The following NMNAT3 variants were observed in gnomAD, a reference collection of about 807,000 sequenced individuals.
NMNAT3 encodes nicotinamide nucleotide adenylyltransferase 3, also known as nicotinamide/nicotinic acid mononucleotide adenylyltransferase 3.
Under a neutral mutation model 24.8 loss-of-function variants are expected in NMNAT3, and 21 were observed. That is an observed-to-expected ratio of 0.85 (90% CI 0.60 to 1.22). NMNAT3 has a LOEUF of 1.22. Among genes scored for constraint, NMNAT3 ranks in the 50% most tolerant of loss-of-function variants. NMNAT3 has a pLI of 0.00. For synonymous variants in NMNAT3, 136 were observed against 155.2 expected, an observed-to-expected ratio of 0.88 and a Z score of 0.92; for missense variants, 387 against 436.6, an observed-to-expected ratio of 0.89 and a Z score of 1.01.
At chr3:139,606,612 T>A (rs1392397482) in intron 3 of NMNAT3, among the ~76,000 whole-genome samples, 2 of 152,244 alleles carry the variant, frequency 1.3e-5, no homozygotes, top group African/African-American at 4.8e-5. Flanking sequence ...CACCTACTAA[T>A]TTTAGCATCA....
intron 1 of NMNAT3, among the ~76,000 whole-genome samples, chr3:139,656,918 AAAAGTT>A (rs2057264329): frequency 6.6e-6 from 1 of 152,196 alleles, no homozygotes; most frequent in African/African-American, 2.4e-5. Context: ...ACTAGTAACT[AAAAGTT>A]AATATACTAT....
At chr3:139,660,971 A>C (rs2057395759) in intron 1 of NMNAT3, among the ~76,000 whole-genome samples, 1 of 152,264 alleles carries the variant, frequency 6.6e-6, no homozygotes, top group Non-Finnish European at 1.5e-5. Flanking sequence ...AGTAGTATGT[A>C]CCATGAGATA....
At chr3:139,607,921 G>A (rs942793046) in intron 3 of NMNAT3, among the ~76,000 whole-genome samples, 2 of 152,064 alleles carry the variant, frequency 1.3e-5, no homozygotes, top group African/African-American at 4.8e-5. Context: ...GCCTAACTCC[G>A]TCTTGACAAC....
chr3:139,671,443 C>G (rs1415807019), intron 1 of NMNAT3, among the ~76,000 whole-genome samples: 2 of 152,208 alleles, frequency 1.3e-5, no homozygotes, highest in Non-Finnish European at 2.9e-5. Context: ...TACAGTGGCT[C>G]TTTCTAATTT....
At chr3:139,637,146 G>A (rs1208633019) in intron 2 of NMNAT3, 2 of 152,214 alleles carry the variant, frequency 1.3e-5, no homozygotes, top group Non-Finnish European at 2.9e-5. Context: ...AGTCAGGAGA[G>A]GCCAGGTAAG....
At chr3:139,635,459 T>C (rs1037330317) in intron 2 of NMNAT3, 1 of 152,210 alleles carries the variant, frequency 6.6e-6, no homozygotes, top group Non-Finnish European at 1.5e-5. Flanking sequence ...AATATCATTC[T>C]GGTAGAAGTA....
At position 139,583,557 on chromosome 3, in the gene NMNAT3, C is replaced by T. The variant is rs2053769589; in HGVS notation, c.110-349G>A. 6 of 759,834 alleles carry T rather than the reference C, an allele frequency of 7.9e-6. No individual in the cohort carries two copies. In the African/African-American group the frequency reaches 1.0e-4, roughly 13 times the overall value. 47.1% of individuals were successfully genotyped at this position (759,834 alleles called of 1,614,324 possible). ...TCCACAAAGTTTGAATTATTTTCTT[C>T]ACTTCATTTGAGAAATATAGGTGGA... On this transcript the variant is annotated intron_variant, in intron 3 of 6. Coordinates refer to ENST00000643695, the MANE Select transcript of NMNAT3 (RefSeq NM_001320510.2).
chr3:139,670,974 A>G (rs1182519751), intron 1 of NMNAT3, among the ~76,000 whole-genome samples: 2 of 152,190 alleles, frequency 1.3e-5, no homozygotes, highest in African/African-American at 2.4e-5. Flanking sequence ...GACTGGAAAC[A>G]TGGAAACAGG....
intron 3 of NMNAT3, among the ~76,000 whole-genome samples, chr3:139,613,838 A>G (rs1252953360): frequency 2.0e-5 from 3 of 152,180 alleles, no homozygotes; most frequent in Non-Finnish European, 4.4e-5. Context: ...CTTTGTAGGG[A>G]CATGGATGAA....
At chr3:139,611,571 G>A (rs1210314792) in intron 3 of NMNAT3, among the ~76,000 whole-genome samples, 1 of 152,200 alleles carries the variant, frequency 6.6e-6, no homozygotes, top group Non-Finnish European at 1.5e-5. Context: ...TGCGCCCTCT[G>A]AAGTTCACCA....
At position 139,592,016 on chromosome 3, in the gene NMNAT3, A is replaced by G. The variant is rs982144313; in HGVS notation, c.110-8808T>C. Among the ~76,000 whole-genome samples the G allele has an allele frequency of 3.7e-4, 56 of 152,262 alleles. 1 individual carries two copies. The highest frequency in any genetic ancestry group is 1.3e-3 in the African/African-American group (55 of 41,556). Reference sequence around the variant, plus strand: ...GAAGAAGGCTTCAGACAATCAAATTACTCCAAGCTACGGGAGGAAATTCAA... The same window carrying G: ...GAAGAAGGCTTCAGACAATCAAATTGCTCCAAGCTACGGGAGGAAATTCAA... On this transcript the variant is annotated intron_variant, in intron 3 of 6. Coordinates refer to ENST00000643695, the MANE Select transcript of NMNAT3 (RefSeq NM_001320510.2).
At chr3:139,664,779 G>A (rs1436066364) in intron 1 of NMNAT3, among the ~76,000 whole-genome samples, 1 of 152,172 alleles carries the variant, frequency 6.6e-6, no homozygotes, top group Non-Finnish European at 1.5e-5. Flanking sequence ...AAAGCAGTGA[G>A]CACAACTATC....
intron 1 of NMNAT3, among the ~76,000 whole-genome samples, chr3:139,642,534 A>G (rs1490566521): frequency 6.6e-6 from 1 of 152,176 alleles, no homozygotes; most frequent in Non-Finnish European, 1.5e-5. Context: ...TGCCCTGGGA[A>G]CTTTTCAGAA....
intron 6 of NMNAT3, among the ~76,000 whole-genome samples, chr3:139,562,745 C>T (rs775177280): frequency 1.3e-5 from 2 of 152,194 alleles, no homozygotes; most frequent in Admixed American, 6.5e-5. Flanking sequence ...GGCTGCTGTG[C>T]GGCCAGAGCC....
At chr3:139,607,986 G>A (rs2055021362) in intron 3 of NMNAT3, among the ~76,000 whole-genome samples, 1 of 152,200 alleles carries the variant, frequency 6.6e-6, no homozygotes, top group African/African-American at 2.4e-5. Flanking sequence ...TTTAATTAAT[G>A]TCTTTGTGCT....
At chr3:139,642,446 G>A (rs2056737159) in intron 1 of NMNAT3, among the ~76,000 whole-genome samples, 2 of 152,230 alleles carry the variant, frequency 1.3e-5, no homozygotes, top group African/African-American at 4.8e-5. Context: ...CAGTTGAAGA[G>A]AGACTGCACC....
At chr3:139,627,832 A>G in intron 2 of NMNAT3, 68 bp from the exon 4 acceptor site, 1 of 577,772 alleles carries the variant, frequency 1.7e-6, no homozygotes, top group Non-Finnish European at 3.0e-6. Flanking sequence ...CAGTCTCTCT[A>G]AACCACACAC....
At chr3:139,673,973 T>TCCCTGCAACAGAGTGTGC in intron 1 of NMNAT3, among the ~76,000 whole-genome samples, 1 of 152,024 alleles carries the variant, frequency 6.6e-6, no homozygotes, top group Non-Finnish European at 1.5e-5. Flanking sequence ...CAGGAAGGCT[T>TCCCTGCAACAGAGTGTGC]CCCTGCAACA....
rs1939236328 is a variant in NMNAT3, at chr3:139,575,941, C to T, written c.576-2261G>A. The stretch of plus-strand genomic sequence containing the variant: ...GCTCCACAGATGGGAGCTCCACGTC[C>T]TATTTGTGTGTGACCGTGATTAACG... On this transcript the variant is annotated intron_variant, in intron 5 of 6. Coordinates refer to ENST00000643695, the MANE Select transcript of NMNAT3 (RefSeq NM_001320510.2). 2.3e-6 allele frequency: 3 copies of T among 1,289,034 alleles called. No homozygotes were observed. In the South Asian group the frequency reaches 3.7e-5, roughly 16 times the overall value. The allele number at this position is 1,289,034 out of a possible 1,614,324, so 79.8% of individuals were successfully genotyped here.
Sources: gnomAD v4.1 joint callset for allele counts (sites outside exome capture counted in the v4.1 genomes callset) on GRCh38, gnomAD v4.1.1 for gene constraint, MANE v1.5 for transcripts, NCBI Gene and HGNC (gene_info 2026-07-23, HGNC 2026-07-21) for gene names.